NMBR: variants seen among roughly 807,000 people sequenced by gnomAD.
NMBR encodes neuromedin-B receptor.
In NMBR, 16 loss-of-function variants were observed where a neutral mutation model predicts 20.5. That is an observed-to-expected ratio of 0.78 (90% CI 0.53 to 1.19). The LOEUF (loss-of-function observed/expected upper bound fraction) is 1.19. Among genes scored for constraint, NMBR ranks in the 50% most tolerant of loss-of-function variants. The pLI, the probability that NMBR is intolerant of heterozygous loss-of-function variation, is 0.00. For synonymous variants in NMBR, 212 were observed against 196.6 expected, an observed-to-expected ratio of 1.08 and a Z score of -0.65; for missense variants, 582 against 499.1, an observed-to-expected ratio of 1.17 and a Z score of -1.58.
chr6:142,080,670 G>A (rs1777076551), intron 2 of NMBR, among the ~76,000 whole-genome samples: 1 of 152,106 alleles, frequency 6.6e-6, no homozygotes, highest in African/African-American at 2.4e-5. Context: ...TTTCCAGGTT[G>A]TTTGGTCTCT....
intron 1 of NMBR, among the ~76,000 whole-genome samples, chr6:142,141,509 T>C (rs1778360251): frequency 6.7e-6 from 1 of 149,602 alleles, no homozygotes; most frequent in Admixed American, 6.7e-5. Flanking sequence ...GTTGCTTTGT[T>C]TTTTTTTTTT....
intron 1 of NMBR, among the ~76,000 whole-genome samples, chr6:142,139,775 G>A (rs1209317073): frequency 6.6e-6 from 1 of 152,166 alleles, no homozygotes; most frequent in African/African-American, 2.4e-5. Flanking sequence ...TATCAGAATT[G>A]TTAGCACACA....
rs1778454210 is a variant in NMBR at position 142,147,104 on chromosome 6, G to A, written c.-724C>T. ...GCCAAAATGCTCGGGTCTTCTGTGG[G>A]TTCTAACCGCCGAGAGCCAAGCACC... On this transcript the variant is annotated 5_prime_UTR_variant, in exon 1 of 4. Coordinates refer to ENST00000258042, the MANE Select transcript of NMBR (RefSeq NM_002511.4). 1 of 625,428 alleles carries A rather than the reference G, an allele frequency of 1.6e-6. No homozygotes were observed. The highest frequency in any genetic ancestry group is 1.9e-5 in the South Asian group (1 of 52,426). 38.7% of individuals were successfully genotyped at this position (625,428 alleles called of 1,614,324 possible). A position where few individuals can be genotyped will look rare whatever the true frequency, so the allele number is the denominator to read the frequency against.
chr6:142,090,078 A>C (rs1777293946), intron 1 of NMBR, among the ~76,000 whole-genome samples: 1 of 152,196 alleles, frequency 6.6e-6, no homozygotes, highest in Non-Finnish European at 1.5e-5. Context: ...TATATTCAAT[A>C]AACATCTGAT....
At chr6:142,142,130 A>G (rs1188774785) in intron 1 of NMBR, among the ~76,000 whole-genome samples, 1 of 152,164 alleles carries the variant, frequency 6.6e-6, no homozygotes, top group East Asian at 1.9e-4. Flanking sequence ...ATTCCAAACT[A>G]CTAAAAATTG....
chr6:142,096,980 G>A (rs960400929), intron 1 of NMBR, among the ~76,000 whole-genome samples: 15 of 152,062 alleles, frequency 9.9e-5, no homozygotes, highest in African/African-American at 3.4e-4. Flanking sequence ...TTTTATCAGA[G>A]ACTAGGATTG....
At chr6:142,133,784 T>C in intron 1 of NMBR, 1 of 548,274 alleles carries the variant, frequency 1.8e-6, no homozygotes, top group South Asian at 2.8e-5. Context: ...GATATAAGGA[T>C]TTTTTTAAAT....
intron 2 of NMBR, among the ~76,000 whole-genome samples, 196 bp from the exon 3 acceptor site, chr6:142,079,099 AG>A (rs1216810801): frequency 1.0e-4 from 7 of 67,496 alleles, no homozygotes; most frequent in African/African-American, 7.1e-4. Flanking sequence ...AGAGAAAGAG[AG>A]AGAGAGAAAG....
chr6:142,110,854 C>T (rs937931437), intron 1 of NMBR, among the ~76,000 whole-genome samples: 1 of 152,184 alleles, frequency 6.6e-6, no homozygotes, highest in Non-Finnish European at 1.5e-5. Context: ...GAGAACCCCC[C>T]TAACTATGGA....
chr6:142,087,534 G>A (rs1214010842), intron 2 of NMBR, among the ~76,000 whole-genome samples: 1 of 152,116 alleles, frequency 6.6e-6, no homozygotes, highest in Admixed American at 6.5e-5. Context: ...AGTTGAACTA[G>A]TTGATGTGCA....
chr6:142,080,459 T>C (rs1188544235), intron 2 of NMBR, among the ~76,000 whole-genome samples: 1 of 151,706 alleles, frequency 6.6e-6, no homozygotes, highest in East Asian at 1.9e-4. Context: ...TACAGGTGTA[T>C]GCCACCAAGC....
intron 2 of NMBR, among the ~76,000 whole-genome samples, chr6:142,083,584 T>C (rs1051212906): frequency 2.0e-5 from 3 of 151,818 alleles, no homozygotes; most frequent in African/African-American, 7.3e-5. Flanking sequence ...TGATGGGAGG[T>C]GACTGGATCA....
intron 1 of NMBR, among the ~76,000 whole-genome samples, chr6:142,105,051 T>A (rs1777634578): frequency 1.3e-5 from 2 of 149,038 alleles, no homozygotes; most frequent in Non-Finnish European, 3.0e-5. Flanking sequence ...GGGAGGATAT[T>A]ACAAAGTACC....
In NMBR at chr6:142,075,763, T is replaced by C. The variant is rs1451768584; in HGVS notation, c.1058A>G (p.Tyr353Cys). The C allele has an allele frequency of 6.2e-7, 1 of 1,614,056 alleles. No individual in the cohort carries two copies. Among genetic ancestry groups the C allele is most frequent in the Admixed American group, 1.7e-5 (1 of 60,010 alleles). Residue 353 changes from tyrosine (Y) to cysteine (C), a missense_variant, in exon 4 of 4, where the codon TAC becomes TGC. By Grantham distance (194) the Tyr-to-Cys change is radical. Transcript: ENST00000258042. ...ACGCACCGCTGAAGAGCTGAGTAGG[T>C]AGCTGGTTCCTCTCTCTTGATAGGA... ...RKSYQERGTS[Y>C]LLSSSAVRMT... is the part of the protein sequence containing the mutation.
chr6:142,132,312 A>G (rs72987330), intron 1 of NMBR, among the ~76,000 whole-genome samples: 5,470 of 152,302 alleles, frequency 0.036, 130 homozygotes, highest in Non-Finnish European at 0.057. Flanking sequence ...TATGTAAGTC[A>G]GAAGGTAGTT....
At chr6:142,081,332 G>C (rs952544488) in intron 2 of NMBR, among the ~76,000 whole-genome samples, 23 of 152,216 alleles carry the variant, frequency 1.5e-4, no homozygotes, top group Admixed American at 1.2e-3. Flanking sequence ...AAAAGATATA[G>C]AGAAACTTTA....
chr6:142,100,704 A>G (rs1433456218), intron 1 of NMBR, among the ~76,000 whole-genome samples: 2 of 152,200 alleles, frequency 1.3e-5, no homozygotes, highest in Non-Finnish European at 2.9e-5. Context: ...ATGACTGAGT[A>G]ATCATGATGT....
intron 2 of NMBR, among the ~76,000 whole-genome samples, chr6:142,083,048 T>C (rs943180869): frequency 6.6e-6 from 1 of 152,200 alleles, no homozygotes; most frequent in Non-Finnish European, 1.5e-5. Flanking sequence ...ATTATGGCAA[T>C]ATTATGAATC....
At position 142,074,650 on chromosome 6, in the gene NMBR, C is replaced by T. The variant is rs1482075711; in HGVS notation, c.*998G>A. On this transcript the variant is annotated 3_prime_UTR_variant, in exon 4 of 4. Transcript: ENST00000258042. ...AATTGCCTAAGTGTGATCCCACATA[C>T]TTGTCAGTTGGGTATTGCAAGAGAG... 6.6e-6 allele frequency among the ~76,000 whole-genome samples: 1 copy of T among 152,060 alleles called. No homozygotes were observed. Among genetic ancestry groups the T allele is most frequent in the African/African-American group, 2.4e-5 (1 of 41,420 alleles).
Sources: gnomAD v4.1 joint callset for allele counts (sites outside exome capture counted in the v4.1 genomes callset) on GRCh38, gnomAD v4.1.1 for gene constraint, MANE v1.5 for transcripts, NCBI Gene and HGNC (gene_info 2026-07-23, HGNC 2026-07-21) for gene names.